The following ADAMTS18 variants were observed in gnomAD, a reference collection of about 807,000 sequenced individuals.
ADAMTS18 encodes ADAM metallopeptidase with thrombospondin type 1 motif 18, also known as A disintegrin and metalloproteinase with thrombospondin motifs 18.
A neutral mutation model predicts 165.9 loss-of-function variants in ADAMTS18; 157 were observed. The ratio of observed to expected loss-of-function variants is 0.95; its 90% CI spans 0.83 to 1.08. The LOEUF (loss-of-function observed/expected upper bound fraction) is 1.08. Among genes scored for constraint, ADAMTS18 ranks in the 50% least tolerant of loss-of-function variants. ADAMTS18 has a pLI of 0.00. For missense variants in ADAMTS18, 2,040 were observed against 1,534.0 expected (o/e 1.33, Z -5.51); for synonymous variants, 782 against 578.2 (o/e 1.35, Z -5.06).
At chr16:77,373,176 C>T (rs928800418) in intron 3 of ADAMTS18, among the ~76,000 whole-genome samples, 2 of 152,092 alleles carry the variant, frequency 1.3e-5, no homozygotes, top group African/African-American at 2.4e-5. Context: ...TCAGAGAAGC[C>T]GTACTCACGA....
intron 3 of ADAMTS18, among the ~76,000 whole-genome samples, chr16:77,407,655 C>T (rs1333164175): frequency 6.6e-6 from 1 of 151,996 alleles, no homozygotes; most frequent in Admixed American, 6.6e-5. Flanking sequence ...TACACAATCA[C>T]CTATGACAAG....
intron 13 of ADAMTS18, among the ~76,000 whole-genome samples, chr16:77,325,523 G>A (rs189617118): frequency 6.6e-6 from 1 of 152,120 alleles, no homozygotes; most frequent in African/African-American, 2.4e-5. Flanking sequence ...GGTTTCATGA[G>A]TTTTTGGTCT....
intron 3 of ADAMTS18, among the ~76,000 whole-genome samples, chr16:77,384,155 A>G (rs2057073279): frequency 6.6e-6 from 1 of 152,204 alleles, no homozygotes; most frequent in African/African-American, 2.4e-5. Context: ...TCAACTAAAA[A>G]TAAAGCAATA....
chr16:77,339,225 G>A (rs139509874), intron 11 of ADAMTS18, among the ~76,000 whole-genome samples: 6 of 151,646 alleles, frequency 4.0e-5, no homozygotes, highest in East Asian at 1.9e-4. Context: ...AAGAATCTGA[G>A]GAAACCGTAT....
At chr16:77,294,643 A>T (rs867179514) in intron 19 of ADAMTS18, among the ~76,000 whole-genome samples, 12 of 152,114 alleles carry the variant, frequency 7.9e-5, no homozygotes, top group African/African-American at 2.4e-4. Flanking sequence ...CAGTCTTCTG[A>T]TACTGGAATC....
intron 8 of ADAMTS18, 106 bp downstream of exon 8, chr16:77,359,212 G>T: frequency 2.1e-6 from 2 of 973,564 alleles, no homozygotes; most frequent in South Asian, 1.4e-5. Flanking sequence ...CTTTACACAA[G>T]ACTGATCCTC....
chr16:77,343,074 C>CT (rs59318924), intron 10 of ADAMTS18, among the ~76,000 whole-genome samples: 34,931 of 142,330 alleles, frequency 0.25, 4,538 homozygotes, highest in Admixed American at 0.38. Context: ...ACCTTACTTT[C>CT]TTTTTTTTTT....
chr16:77,295,841 T>C (rs570612759), intron 18 of ADAMTS18, among the ~76,000 whole-genome samples: 56 of 152,258 alleles, frequency 3.7e-4, no homozygotes, highest in Non-Finnish European at 6.6e-4. Context: ...CGGTTATCAA[T>C]TGAAACTTTT....
intron 3 of ADAMTS18, among the ~76,000 whole-genome samples, chr16:77,403,688 T>C (rs75953446): frequency 0.016 from 2,387 of 152,276 alleles, 64 homozygotes; most frequent in African/African-American, 0.054. Flanking sequence ...TAGGGGAGAC[T>C]GAGTCATTCA....
intron 2 of ADAMTS18, 37 bp downstream of exon 2, chr16:77,434,381 G>C: frequency 4.5e-6 from 7 of 1,546,438 alleles, no homozygotes; most frequent in Non-Finnish European, 6.1e-6. Context: ...AAAGTGCTGC[G>C]AAAGGCCCTT....
chr16:77,415,784 A>T (rs2057522861), intron 3 of ADAMTS18, among the ~76,000 whole-genome samples: 2 of 151,950 alleles, frequency 1.3e-5, no homozygotes, highest in African/African-American at 4.8e-5. Context: ...CACATAAAAG[A>T]CACGCCATTG....
intron 7 of ADAMTS18, 55 bp from the exon 8 acceptor site, chr16:77,359,478 G>C: frequency 7.0e-7 from 1 of 1,436,372 alleles, no homozygotes; most frequent in Non-Finnish European, 9.7e-7. Context: ...ACAGATACAT[G>C]ATGATGATTT....
At chr16:77,328,943 T>C (rs2056141141) in intron 12 of ADAMTS18, among the ~76,000 whole-genome samples, 1 of 152,178 alleles carries the variant, frequency 6.6e-6, no homozygotes, top group Non-Finnish European at 1.5e-5. Flanking sequence ...AGAGACGAGC[T>C]CAAGCTCAGG....
chr16:77,320,910 C>T (rs942743020), intron 15 of ADAMTS18, among the ~76,000 whole-genome samples, 169 bp downstream of exon 15: 11 of 152,100 alleles, frequency 7.2e-5, no homozygotes, highest in African/African-American at 1.9e-4. Context: ...AATGTATCGA[C>T]GAAATTCCTC....
At position 77,362,066 on chromosome 16, in the gene ADAMTS18, A is replaced by T. The variant is rs200313807; in HGVS notation, c.1216+39T>A. ...TAGAAAGTTTCCATACTGTGTTTTC[A>T]GCTAACAGGTGTGTGTGAAGGATCT... On this transcript the variant is annotated intron_variant, in intron 7 of 22. Coordinates refer to ENST00000282849, the MANE Select transcript of ADAMTS18 (RefSeq NM_199355.4). The T allele has an allele frequency of 2.2e-5, 35 of 1,611,704 alleles. No homozygotes were observed. In the East Asian group the frequency reaches 5.4e-4, roughly 25 times the overall value.
intron 3 of ADAMTS18, among the ~76,000 whole-genome samples, chr16:77,414,191 C>A (rs17621104): frequency 0.092 from 13,937 of 152,276 alleles, 786 homozygotes; most frequent in Non-Finnish European, 0.13. Context: ...TCTGAAACTA[C>A]TGTTTGAAGG....
chr16:77,364,656 G>C (rs2056766100), intron 4 of ADAMTS18, among the ~76,000 whole-genome samples: 1 of 147,942 alleles, frequency 6.8e-6, no homozygotes, highest in Non-Finnish European at 1.5e-5. Context: ...ATGGTGGATG[G>C]ATAAATGGGT....
intron 3 of ADAMTS18, among the ~76,000 whole-genome samples, chr16:77,417,014 T>C (rs1208257578): frequency 1.3e-5 from 2 of 152,202 alleles, no homozygotes; most frequent in South Asian, 2.1e-4. Context: ...GGCAGTTGCT[T>C]ACATTGCTTG....
chr16:77,390,583 A>T (rs1362824012), intron 3 of ADAMTS18, among the ~76,000 whole-genome samples: 1 of 152,042 alleles, frequency 6.6e-6, no homozygotes, highest in African/African-American at 2.4e-5. Flanking sequence ...CCAGGTACTC[A>T]GCAGGCTGAG....
Sources: gnomAD v4.1 joint callset for allele counts (sites outside exome capture counted in the v4.1 genomes callset) on GRCh38, gnomAD v4.1.1 for gene constraint, MANE v1.5 for transcripts, NCBI Gene and HGNC (gene_info 2026-07-23, HGNC 2026-07-21) for gene names.